HDAC3: variants seen among roughly 807,000 people sequenced by gnomAD.
HDAC3 encodes the protein histone deacetylase 3.
A neutral mutation model predicts 62.3 loss-of-function variants in HDAC3; 21 were observed. The ratio of observed to expected loss-of-function variants is 0.34; its 90% confidence interval spans 0.24 to 0.49. The LOEUF (loss-of-function observed/expected upper bound fraction) is 0.49, where lower values mean the gene tolerates loss of function less well. Among genes scored for constraint, HDAC3 ranks in the 20% least tolerant of loss-of-function variants. The probability of loss-of-function intolerance (pLI) is 0.99; values close to 1 mark genes in which losing one functional copy is unlikely to be tolerated. For missense variants in HDAC3, 270 were observed against 556.9 expected, an observed-to-expected ratio of 0.48 and a Z score of 5.19; for synonymous variants, 198 against 206.5, an observed-to-expected ratio of 0.96 and a Z score of 0.35.
chr5:141,625,693 A>G lies in HDAC3; in HGVS notation c.1051T>C (p.Ser351Pro), dbSNP rs1254363535. 1 of 1,614,058 alleles carries G rather than the reference A, an allele frequency of 6.2e-7. No individual in the cohort carries two copies. The highest frequency in any genetic ancestry group is 1.7e-5 in the Admixed American group (1 of 60,022). Residue 351 changes from serine to proline, a missense_variant, in exon 13 of 15, where the codon TCA (serine) becomes CCA (proline). This residue lies in a region of HDAC3 where 156 missense variants were observed against 383.9 expected (regional missense o/e 0.41). Coordinates refer to ENST00000305264, the MANE Select transcript of HDAC3 (RefSeq NM_003883.4). This position sits in a 1 kb window ranked among gnomAD's most constrained non-coding sequence, Gnocchi z 4.0. ...TTTTCTGAGCTGCTGACCTGGCGTG[A>G]GTTCTGATTCTCGATGCGGGTGCTG... ...DVSTRIENQN[S>P]RQYLDQIRQT...
intron 3 of HDAC3, 70 bp from the exon 4 acceptor site, chr5:141,630,195 T>G (rs1386337812): frequency 7.3e-7 from 1 of 1,372,784 alleles, no homozygotes; most frequent in East Asian, 2.3e-5. Flanking sequence ...TCCCTCCCCA[T>G]CCTAGATTCC....
intron 3 of HDAC3, 105 bp downstream of exon 3, chr5:141,634,706 T>A (rs561763650): frequency 9.2e-7 from 1 of 1,087,228 alleles, no homozygotes; most frequent in Non-Finnish European, 1.3e-6. Context: ...TTATGATGCA[T>A]TGACAAGTAG....
In HDAC3 at chr5:141,625,564, CA is replaced by C; in HGVS notation, c.1059+120del. 1 of 1,146,334 alleles carries C rather than the reference CA, an allele frequency of 8.7e-7. No individual in the cohort carries two copies. Among genetic ancestry groups the C allele is most frequent in the South Asian group, 1.3e-5 (1 of 78,334 alleles). 71.0% of individuals were successfully genotyped at this position (1,146,334 alleles called of 1,614,324 possible). A position where few individuals can be genotyped will look rare whatever the true frequency, so the allele number is the denominator to read the frequency against. On this transcript the variant is annotated intron_variant, in intron 13 of 14. Coordinates refer to ENST00000305264, the MANE Select transcript of HDAC3 (RefSeq NM_003883.4). This position sits in a 1 kb window ranked among gnomAD's most constrained non-coding sequence, Gnocchi z 4.0. ...AACTGGACTGCCTCCTAGTCAATAA[CA>C]GTGACTGTGATGGCTTAGAACTTCC...
chr5:141,630,132 G>A lies in HDAC3; in HGVS notation c.282-7C>T. 2.5e-6 allele frequency: 4 copies of A among 1,613,640 alleles called. No individual in the cohort carries two copies. Among genetic ancestry groups the A allele is most frequent in the East Asian group, 2.2e-5 (1 of 44,878 alleles). On this transcript the variant is annotated splice_polypyrimidine_tract_variant and splice_region_variant and intron_variant, in intron 3 of 14. Transcript: ENST00000305264. ...GAGCCCGGGAAACACTGGGCTGCAG[G>A]GAAGAGGAACAAGTTGGAACCCTCC...
intron 14 of HDAC3, among the ~76,000 whole-genome samples, chr5:141,622,328 G>A (rs759040673): frequency 2.0e-5 from 3 of 152,170 alleles, no homozygotes; most frequent in Admixed American, 6.5e-5. Flanking sequence ...CTCAAAAGCC[G>A]GGCGTGGTAG....
In HDAC3 at chr5:141,626,416, T is replaced by C; in HGVS notation, c.831-133A>G. On this transcript the variant is annotated intron_variant, in intron 10 of 14. Coordinates refer to ENST00000305264, the MANE Select transcript of HDAC3 (RefSeq NM_003883.4). This position sits in a 1 kb window ranked among gnomAD's most constrained non-coding sequence, Gnocchi z 4.6. ...TCTTTATCTTGATAGTGAAATTCAT[T>C]ATGTTATACCCTTAAGATTTGGGTA... The C allele has an allele frequency of 1.4e-6, 1 of 706,906 alleles. No homozygotes were observed. 43.8% of individuals were successfully genotyped at this position (706,906 alleles called of 1,614,324 possible). A position where few individuals can be genotyped will look rare whatever the true frequency, so the allele number is the denominator to read the frequency against.
intron 14 of HDAC3, among the ~76,000 whole-genome samples, chr5:141,623,512 G>T (rs1322357999): frequency 1.3e-5 from 2 of 152,134 alleles, no homozygotes; most frequent in Non-Finnish European, 2.9e-5. Context: ...AACCCAAAAG[G>T]AAGAACTTAA....
chr5:141,627,832 C>T, intron 10 of HDAC3, 61 bp downstream of exon 10: 1 of 1,441,946 alleles, frequency 6.9e-7, no homozygotes, highest in Non-Finnish European at 9.8e-7. Context: ...TACCCCCACC[C>T]ACGTACTGAA....
At chr5:141,630,146 T>C (rs2099904983) in intron 3 of HDAC3, 21 bp from the exon 4 acceptor site, 3 of 1,611,376 alleles carry the variant, frequency 1.9e-6, no homozygotes, top group Non-Finnish European at 2.5e-6. Context: ...GAGGAACAAG[T>C]TGGAACCCTC....
At chr5:141,632,559 G>A (rs987337732) in intron 3 of HDAC3, among the ~76,000 whole-genome samples, 22 of 152,090 alleles carry the variant, frequency 1.4e-4, no homozygotes, top group Non-Finnish European at 2.8e-4. Context: ...GAGCATCTAC[G>A]GGACCCCAGT....
Position 141,628,268 on chromosome 5 carries a change from G to T in HDAC3, c.692-81C>A. 8.1e-7 allele frequency: 1 copy of T among 1,233,502 alleles called. No individual in the cohort carries two copies. The highest frequency in any genetic ancestry group is 1.2e-5 in the South Asian group (1 of 81,258). The allele number at this position is 1,233,502 out of a possible 1,614,324, so 76.4% of individuals were successfully genotyped here. A position where few individuals can be genotyped will look rare whatever the true frequency, so the allele number is the denominator to read the frequency against. On this transcript the variant is annotated intron_variant, in intron 8 of 14. Transcript: ENST00000305264. This position sits in a 1 kb window ranked among gnomAD's most constrained non-coding sequence, Gnocchi z 4.7. ...AACAAAAGGAAAAAGGGGGTTGAGC[G>T]AGCATGTAGCCCAGGAAAGGGGCCA...
chr5:141,631,068 T>C (rs2099905146), intron 3 of HDAC3, among the ~76,000 whole-genome samples: 2 of 152,042 alleles, frequency 1.3e-5, no homozygotes, highest in Non-Finnish European at 2.9e-5. Flanking sequence ...AAGTTATACC[T>C]ATATAAACCT....
In HDAC3 at chr5:141,636,761, G is replaced by A; in HGVS notation, c.30C>T (p.Asp10=). 6.2e-7 allele frequency: 1 copy of A among 1,614,056 alleles called. No individual in the cohort carries two copies. The highest frequency in any genetic ancestry group is 8.5e-7 in the Non-Finnish European group (1 of 1,179,922). The change falls in exon 1 of 15, where the codon GAC becomes GAT. Residue 10 remains aspartate (D), a synonymous_variant. Transcript: ENST00000305264. ...CGTAGTGGAAGTTGCCCACGTCGGG[G>A]TCGTAGAAATAGGCCACGGTCTTGG... is the stretch of plus-strand genomic sequence containing the variant. MAKTVAYFY[D]PDVGNFHYGA... is the part of the protein sequence containing the mutation.
intron 14 of HDAC3, among the ~76,000 whole-genome samples, chr5:141,624,045 T>TAA (rs202049330): frequency 6.0e-4 from 88 of 146,114 alleles, no homozygotes; most frequent in African/African-American, 1.5e-3. Context: ...ATAAAGACTT[T>TAA]TAAAAAAAAA....
At position 141,636,813 on chromosome 5, in the gene HDAC3, G is replaced by T; in HGVS notation, c.-23C>A. On this transcript the variant is annotated 5_prime_UTR_variant, in exon 1 of 15. Coordinates refer to ENST00000305264, the MANE Select transcript of HDAC3 (RefSeq NM_003883.4). ...CATGGTGCCGGCGGGAGCAGGCCCC[G>T]CACCTCCGCCGCCCGCCGCCCGCGG... is the stretch of plus-strand genomic sequence containing the variant. 1.3e-6 allele frequency: 2 copies of T among 1,522,590 alleles called. No homozygotes were observed. Among genetic ancestry groups the T allele is most frequent in the Non-Finnish European group, 8.8e-7 (1 of 1,139,180 alleles). 94.3% of individuals were successfully genotyped at this position (1,522,590 alleles called of 1,614,324 possible).
In HDAC3 at chr5:141,625,264, A is replaced by G; in HGVS notation, c.1161T>C (p.Tyr387=). Reference sequence around the variant, plus strand: ...CTGCATCAGCCTCATCAGTCCTGTCATAGGTCAGGAGGTCTGCAGGCACGT... The same window carrying G: ...CTGCATCAGCCTCATCAGTCCTGTCGTAGGTCAGGAGGTCTGCAGGCACGT... ...IHDVPADLLT[Y]DRTDEADAEE... is the part of the protein sequence containing the mutation. Residue 387 remains tyrosine (Y), a synonymous_variant, in exon 14 of 15, where the codon TAT becomes TAC. Transcript: ENST00000305264. This position sits in a 1 kb window ranked among gnomAD's most constrained non-coding sequence, Gnocchi z 4.0. 6.2e-7 allele frequency: 1 copy of G among 1,614,052 alleles called. No individual in the cohort carries two copies. The highest frequency in any genetic ancestry group is 8.5e-7 in the Non-Finnish European group (1 of 1,179,936).
chr5:141,636,498 G>T, intron 2 of HDAC3, 50 bp downstream of exon 2: 1 of 1,548,382 alleles, frequency 6.5e-7, no homozygotes. Flanking sequence ...TATCCCTACG[G>T]CCACAGCTCG....
chr5:141,630,252 TG>T, intron 3 of HDAC3, 127 bp from the exon 4 acceptor site: 1 of 832,240 alleles, frequency 1.2e-6, no homozygotes, highest in East Asian at 2.6e-5. Context: ...CCTACACACG[TG>T]GGCTATCTGC....
intron 3 of HDAC3, among the ~76,000 whole-genome samples, chr5:141,634,557 ACCT>A (rs1413510670): frequency 1.3e-5 from 2 of 152,146 alleles, no homozygotes; most frequent in Non-Finnish European, 2.9e-5. Context: ...TCTGTCATAC[ACCT>A]CCTCTTTATA....
Sources: allele counts gnomAD v4.1 joint callset (sites outside exome capture counted in the v4.1 genomes callset), GRCh38; gene constraint gnomAD v4.1.1; regional missense constraint gnomAD v4.1.1; non-coding constraint Gnocchi (gnomAD v3.1); transcripts MANE v1.5; gene names NCBI Gene and HGNC (gene_info 2026-07-23, HGNC 2026-07-21).